BCL2L1: variants seen among roughly 807,000 people sequenced by gnomAD.
BCL2L1 encodes bcl-2-like protein 1.
In BCL2L1, 1 loss-of-function variant was observed where a neutral mutation model predicts 18.7. The ratio of observed to expected loss-of-function variants is 0.05; its 90% CI spans 0.02 to 0.25. The LOEUF (loss-of-function observed/expected upper bound fraction) is 0.25, where lower values mean the gene tolerates loss of function less well. Among genes scored for constraint, BCL2L1 ranks in the 10% least tolerant of loss-of-function variants. BCL2L1 has a pLI of 1.00. For synonymous variants in BCL2L1, 103 were observed against 122.7 expected, an observed-to-expected ratio of 0.84 and a Z score of 1.06; for missense variants, 207 against 304.9, an observed-to-expected ratio of 0.68 and a Z score of 2.39.
At chr20:31,688,461 GAAAGA>G (rs2061000087) in intron 2 of BCL2L1, among the ~76,000 whole-genome samples, 2 of 140,058 alleles carry the variant, frequency 1.4e-5, no homozygotes, top group Admixed American at 1.4e-4. Flanking sequence ...AAAAAAAAAA[GAAAGA>G]AAAGAAAAAG....
In BCL2L1 at chr20:31,666,117, T is replaced by C. The variant is rs1490807034; in HGVS notation, c.565-31A>G. ...GGGAGAGAGAAGGAAGGTGCAGTTT[T>C]AGTCCTCAGAGAGTGATGTAGGTGG... On this transcript the variant is annotated intron_variant, in intron 2 of 2. Transcript: ENST00000307677. The C allele has an allele frequency of 3.1e-6, 5 of 1,612,744 alleles. No homozygotes were observed. In the Admixed American group the frequency reaches 6.7e-5, roughly 22 times the overall value.
chr20:31,710,785 C>T (rs1022141868), intron 2 of BCL2L1, among the ~76,000 whole-genome samples: 19 of 152,236 alleles, frequency 1.2e-4, no homozygotes, highest in Non-Finnish European at 1.9e-4. Context: ...AGGTCTATTC[C>T]TACTGCTTCA....
At chr20:31,716,810 C>T (rs932830117) in intron 2 of BCL2L1, 1 of 152,162 alleles carries the variant, frequency 6.6e-6, no homozygotes, top group African/African-American at 2.4e-5. Context: ...AGGTACCACA[C>T]CAATAAAAAA....
chr20:31,716,107 T>G (rs1322214321), intron 2 of BCL2L1, among the ~76,000 whole-genome samples: 2 of 152,320 alleles, frequency 1.3e-5, no homozygotes, highest in East Asian at 3.9e-4. Flanking sequence ...TAAGCTTCAA[T>G]TATCTGACCC....
intron 2 of BCL2L1, among the ~76,000 whole-genome samples, chr20:31,667,835 A>G (rs2060610425): frequency 1.3e-5 from 2 of 152,152 alleles, no homozygotes; most frequent in African/African-American, 4.8e-5. Context: ...GCAAAATGCC[A>G]TGTGCACTGA....
chr20:31,709,331 G>A lies in BCL2L1; in HGVS notation c.564+12324C>T, dbSNP rs758771344. On this transcript the variant is annotated intron_variant, in intron 2 of 2. Transcript: ENST00000307677. Reference sequence around the variant, plus strand: ...CTGGCCTGCTCGTGTGTGTGTGTGCGCGCGTGCACGCGTGTGTAACTAGCC... The same window carrying A: ...CTGGCCTGCTCGTGTGTGTGTGTGCACGCGTGCACGCGTGTGTAACTAGCC... 1.1e-4 allele frequency among the ~76,000 whole-genome samples: 16 copies of A among 152,014 alleles called. No homozygotes were observed. In the East Asian group the frequency reaches 1.6e-3, roughly 15 times the overall value.
At chr20:31,680,857 A>G (rs1463266724) in intron 2 of BCL2L1, among the ~76,000 whole-genome samples, 2 of 152,260 alleles carry the variant, frequency 1.3e-5, no homozygotes, top group African/African-American at 2.4e-5. Context: ...GAAAGGGGGT[A>G]CAGAGAAACA....
At chr20:31,672,010 C>T (rs1053521311) in intron 2 of BCL2L1, among the ~76,000 whole-genome samples, 1 of 142,902 alleles carries the variant, frequency 7.0e-6, no homozygotes, top group African/African-American at 2.6e-5. Flanking sequence ...CATGGGAGGG[C>T]AATTAGGACA....
At chr20:31,718,049 A>G (rs1371974786) in intron 2 of BCL2L1, among the ~76,000 whole-genome samples, 1 of 152,246 alleles carries the variant, frequency 6.6e-6, no homozygotes, top group African/African-American at 2.4e-5. Context: ...CCCATTCATT[A>G]AAGGGTTTCC....
rs963245815 is a variant in BCL2L1 at position 31,664,814 on chromosome 20, G to C, written c.*1135C>G. The C allele has an allele frequency of 4.5e-5, 10 of 223,118 alleles. No individual in the cohort carries two copies. The Admixed American group carries it at 5.7e-4, about 13-fold the overall frequency. The allele number at this position is 223,118 out of a possible 1,614,324, so 13.8% of individuals were successfully genotyped here. On this transcript the variant is annotated 3_prime_UTR_variant, in exon 3 of 3. Coordinates refer to ENST00000307677, the MANE Select transcript of BCL2L1 (RefSeq NM_138578.3). Reference sequence around the variant, plus strand: ...GACCCCTGGGGATGAGACAGGCCAAGGGTGGAGCAGAAGAGAGAGGGAGGC... The same window carrying C: ...GACCCCTGGGGATGAGACAGGCCAACGGTGGAGCAGAAGAGAGAGGGAGGC...
At chr20:31,690,090 T>G (rs2061036058) in intron 2 of BCL2L1, among the ~76,000 whole-genome samples, 2 of 151,914 alleles carry the variant, frequency 1.3e-5, no homozygotes, top group African/African-American at 4.8e-5. Flanking sequence ...ATTTTTAACT[T>G]TTTTTTTCCC....
chr20:31,708,221 G>C (rs1322679818), intron 2 of BCL2L1, among the ~76,000 whole-genome samples: 1 of 152,200 alleles, frequency 6.6e-6, no homozygotes, highest in Non-Finnish European at 1.5e-5. Context: ...CAACCCTCTA[G>C]AGAGAAACAG....
intron 2 of BCL2L1, among the ~76,000 whole-genome samples, chr20:31,710,717 T>C (rs2061441980): frequency 6.6e-6 from 1 of 152,244 alleles, no homozygotes; most frequent in African/African-American, 2.4e-5. Context: ...TCTTCCACTT[T>C]TGGTGTTTAC....
chr20:31,703,360 G>A (rs941918958), intron 2 of BCL2L1, among the ~76,000 whole-genome samples: 1 of 151,992 alleles, frequency 6.6e-6, no homozygotes, highest in Non-Finnish European at 1.5e-5. Context: ...TGTATTTTTA[G>A]TAGAGACGGG....
At chr20:31,685,838 G>A (rs1414076353) in intron 2 of BCL2L1, among the ~76,000 whole-genome samples, 1 of 152,144 alleles carries the variant, frequency 6.6e-6, no homozygotes, top group East Asian at 1.9e-4. Context: ...TTAACTTACT[G>A]TGTAACAATG....
intron 2 of BCL2L1, among the ~76,000 whole-genome samples, chr20:31,697,910 C>T (rs1453022016): frequency 1.8e-4 from 11 of 60,112 alleles, no homozygotes; most frequent in African/African-American, 1.4e-3. Context: ...TTTTTTGAGA[C>T]GGAGTCTCGC....
Position 31,698,828 on chromosome 20 carries a change from C to T in BCL2L1, c.564+22827G>A, listed in dbSNP as rs577686294. Among the ~76,000 whole-genome samples, 5 of 152,334 alleles carry T rather than the reference C, an allele frequency of 3.3e-5. No individual in the cohort carries two copies. The East Asian group carries it at 9.6e-4, about 29-fold the overall frequency. ...GTGCTCAGATTACAGGCATGAGCCACCACACCTGCCCTTTTTTGCTTTTCA... is the reference window on the plus strand; with the variant it reads ...GTGCTCAGATTACAGGCATGAGCCATCACACCTGCCCTTTTTTGCTTTTCA... On this transcript the variant is annotated intron_variant, in intron 2 of 2. Coordinates refer to ENST00000307677, the MANE Select transcript of BCL2L1 (RefSeq NM_138578.3).
At position 31,672,264 on chromosome 20, in the gene BCL2L1, A is replaced by C. The variant is rs899059525; in HGVS notation, c.565-6178T>G. On this transcript the variant is annotated intron_variant, in intron 2 of 2. Transcript: ENST00000307677. ...CAGATCACCTGAGGTCAGGAGTTCA[A>C]GACCAGCCTGACCAACATGGTGAAA... 2.6e-5 allele frequency among the ~76,000 whole-genome samples: 4 copies of C among 152,064 alleles called. No homozygotes were observed. The South Asian group carries it at 8.3e-4, about 32-fold the overall frequency.
chr20:31,723,828 G>T, upstream of BCL2L1: 2 of 985,266 alleles, frequency 2.0e-6, no homozygotes, highest in Non-Finnish European at 2.4e-6. Flanking sequence ...GTTCCGCGCC[G>T]CGGACCCGGG....
Sources: allele counts gnomAD v4.1 joint callset (sites outside exome capture counted in the v4.1 genomes callset), GRCh38; gene constraint gnomAD v4.1.1; transcripts MANE v1.5; gene names NCBI Gene and HGNC (gene_info 2026-07-23, HGNC 2026-07-21).